IPCEF1: variants seen among roughly 807,000 people sequenced by gnomAD.
IPCEF1 encodes interactor protein for cytohesin exchange factors 1.
IPCEF1 carries 31 observed loss-of-function variants against 50.9 expected under a neutral mutation model. The observed-to-expected ratio is 0.61, with a 90% confidence interval of 0.46 to 0.82. IPCEF1 has a LOEUF of 0.82. Ranked by LOEUF, IPCEF1 falls within the 40% of genes least tolerant of loss-of-function variation. The probability of loss-of-function intolerance (pLI) is 0.00; values close to 1 mark genes in which losing one functional copy is unlikely to be tolerated. For synonymous variants in IPCEF1, 181 were observed against 192.0 expected (o/e 0.94, Z 0.47); for missense variants, 458 against 514.0 (o/e 0.89, Z 1.05).
At chr6:154,294,678 G>T (rs1285467513) in intron 1 of IPCEF1, among the ~76,000 whole-genome samples, 2 of 152,226 alleles carry the variant, frequency 1.3e-5, no homozygotes, top group East Asian at 3.9e-4. Context: ...CTCTCACTTT[G>T]CTGAGAGTCC....
chr6:154,295,804 C>CCTGAA (rs1003625109), intron 1 of IPCEF1, among the ~76,000 whole-genome samples: 2 of 152,138 alleles, frequency 1.3e-5, no homozygotes, highest in Non-Finnish European at 2.9e-5. Context: ...ATGCCTCTGT[C>CCTGAA]CTGAACTGTC....
At chr6:154,284,905 C>T (rs1168551489) in intron 2 of IPCEF1, among the ~76,000 whole-genome samples, 2 of 152,062 alleles carry the variant, frequency 1.3e-5, no homozygotes, top group East Asian at 3.9e-4. Flanking sequence ...GAGACTGAGG[C>T]AAAATAATCT....
At chr6:154,276,054 G>A (rs1362960345) in intron 2 of IPCEF1, among the ~76,000 whole-genome samples, 1 of 152,012 alleles carries the variant, frequency 6.6e-6, no homozygotes, top group Non-Finnish European at 1.5e-5. Flanking sequence ...CATGGTGGCA[G>A]GTGCCTGTAA....
At chr6:154,343,087 GC>G (rs1366904358) in intron 1 of IPCEF1, among the ~76,000 whole-genome samples, 1 of 152,158 alleles carries the variant, frequency 6.6e-6, no homozygotes, top group Non-Finnish European at 1.5e-5. Context: ...CTGCACTCCA[GC>G]CTCGGCAAAA....
At chr6:154,162,882 G>A (rs1049315722) in intron 11 of IPCEF1, among the ~76,000 whole-genome samples, 1 of 152,086 alleles carries the variant, frequency 6.6e-6, no homozygotes, top group Non-Finnish European at 1.5e-5. Context: ...CATATCTAAA[G>A]ATAAGTTCCT....
chr6:154,265,026 C>T (rs1164173657), intron 3 of IPCEF1, among the ~76,000 whole-genome samples: 1 of 152,194 alleles, frequency 6.6e-6, no homozygotes, highest in Non-Finnish European at 1.5e-5. Flanking sequence ...CTCTGCTCCT[C>T]AAACTCTGAC....
rs3045866 is a variant in IPCEF1 at position 154,290,893 on chromosome 6, C to CTTTTTTTTTTTTTTTTTTTTT, written c.-61-1138_-61-1137insAAAAAAAAAAAAAAAAAAAAA. On this transcript the variant is annotated intron_variant, in intron 1 of 11. Transcript: ENST00000367220. ...AATTTTTCCAGTAGGAATATATTGC[C>CTTTTTTTTTTTTTTTTTTTTT]TTTTTTTTTTTTTTGAGACAGAGTC... 8.6e-5 allele frequency among the ~76,000 whole-genome samples: 11 copies of CTTTTTTTTTTTTTTTTTTTTT among 127,296 alleles called. 1 individual carries two copies. Among genetic ancestry groups the CTTTTTTTTTTTTTTTTTTTTT allele is most frequent in the African/African-American group, 3.5e-4 (11 of 31,514 alleles). The allele number at this position is 127,296 out of a possible 152,430, so 83.5% of individuals were successfully genotyped here.
chr6:154,219,341 A>AGGAATCAGCCACAGAATGAGTG (rs1211901518), intron 7 of IPCEF1, among the ~76,000 whole-genome samples: 1 of 152,212 alleles, frequency 6.6e-6, no homozygotes, highest in Non-Finnish European at 1.5e-5. Flanking sequence ...ACTACTTGCA[A>AGGAATCAGCCACAGAATGAGTG]GGAATCAGCC....
In IPCEF1 at chr6:154,223,370, C is replaced by G. The variant is rs935431844; in HGVS notation, c.247-127G>C. The G allele has an allele frequency of 7.3e-5, 53 of 725,934 alleles. No individual in the cohort carries two copies. In the African/African-American group the frequency reaches 7.5e-4, roughly 10 times the overall value. The allele number at this position is 725,934 out of a possible 1,614,324, so 45.0% of individuals were successfully genotyped here. On this transcript the variant is annotated intron_variant, in intron 5 of 11. Transcript: ENST00000367220. ...GGGAGAATCAAGAGATACCAACCAC[C>G]CTGAATCACCATGGAGGTGTCCCAG...
chr6:154,245,242 T>C (rs113367864), intron 5 of IPCEF1, among the ~76,000 whole-genome samples: 395 of 151,964 alleles, frequency 2.6e-3, no homozygotes, highest in African/African-American at 9.1e-3. Context: ...TTTTTGTGAA[T>C]CCCTTAAAAC....
chr6:154,330,689 G>C (rs1385892368), intron 1 of IPCEF1, among the ~76,000 whole-genome samples: 2 of 152,090 alleles, frequency 1.3e-5, no homozygotes, highest in Non-Finnish European at 2.9e-5. Context: ...ACCAATCCAA[G>C]CATTTTCTCT....
intron 9 of IPCEF1, among the ~76,000 whole-genome samples, chr6:154,201,731 C>T (rs564903573): frequency 2.0e-5 from 3 of 152,172 alleles, no homozygotes; most frequent in Non-Finnish European, 2.9e-5. Context: ...CCCGTCTCTA[C>T]TAAAAATACA....
chr6:154,306,245 C>G lies in IPCEF1; in HGVS notation c.-61-16489G>C, dbSNP rs535685290. 7.9e-5 allele frequency among the ~76,000 whole-genome samples: 12 copies of G among 152,282 alleles called. No individual in the cohort carries two copies. In the South Asian group the frequency reaches 2.5e-3, roughly 32 times the overall value. Reference sequence around the variant, plus strand: ...GAGCAGATCTATCCAGAACCCCCTACCTTGTCTTCTCACTCAAGCTTGCTT... The same window carrying G: ...GAGCAGATCTATCCAGAACCCCCTAGCTTGTCTTCTCACTCAAGCTTGCTT... On this transcript the variant is annotated intron_variant, in intron 1 of 11. Transcript: ENST00000367220.
intron 10 of IPCEF1, among the ~76,000 whole-genome samples, chr6:154,183,958 T>C (rs968951493): frequency 1.3e-5 from 2 of 150,278 alleles, no homozygotes; most frequent in African/African-American, 2.5e-5. Context: ...AAGAAAAAAA[T>C]TGTTTTGTGG....
At chr6:154,309,643 C>T (rs1783025429) in intron 1 of IPCEF1, among the ~76,000 whole-genome samples, 1 of 152,114 alleles carries the variant, frequency 6.6e-6, no homozygotes, top group African/African-American at 2.4e-5. Flanking sequence ...TTTTCATCTG[C>T]CCTGTATCTT....
In IPCEF1 at chr6:154,181,977, G is replaced by A. The variant is rs115000629; in HGVS notation, c.911-13864C>T. 5.7e-3 allele frequency among the ~76,000 whole-genome samples: 866 copies of A among 152,290 alleles called. 13 individuals carry two copies. The highest frequency in any genetic ancestry group is 0.019 in the African/African-American group (799 of 41,566). ...GGAGAACACTCTAGTTGGGAAAGGT[G>A]AGGCGATTTTAAAAGATGGCAGGTT... On this transcript the variant is annotated intron_variant, in intron 10 of 11. Coordinates refer to ENST00000367220, the MANE Select transcript of IPCEF1 (RefSeq NM_001130700.2).
At chr6:154,288,572 G>A (rs1562580618) in intron 2 of IPCEF1, among the ~76,000 whole-genome samples, 1 of 150,482 alleles carries the variant, frequency 6.6e-6, no homozygotes, top group Non-Finnish European at 1.5e-5. Context: ...CTGAGGCAGG[G>A]GAATCGCTTG....
At chr6:154,340,028 A>G (rs553114654) in intron 1 of IPCEF1, among the ~76,000 whole-genome samples, 2 of 152,230 alleles carry the variant, frequency 1.3e-5, no homozygotes, top group African/African-American at 4.8e-5. Flanking sequence ...TGGGTGCTCA[A>G]CATATTGCAG....
chr6:154,340,739 G>C (rs1451474038), intron 1 of IPCEF1, among the ~76,000 whole-genome samples: 1 of 151,870 alleles, frequency 6.6e-6, no homozygotes, highest in East Asian at 2.0e-4. Context: ...CACAAAATTA[G>C]CCAGGCGTGG....
Sources: allele counts gnomAD v4.1 joint callset (sites outside exome capture counted in the v4.1 genomes callset), GRCh38; gene constraint gnomAD v4.1.1; transcripts MANE v1.5; gene names NCBI Gene and HGNC (gene_info 2026-07-23, HGNC 2026-07-21).